EPHA6: variants seen among roughly 807,000 people sequenced by gnomAD.
EPHA6 encodes EPH receptor A6.
In EPHA6, 50 loss-of-function variants were observed where a neutral mutation model predicts 112.0. That is an observed-to-expected ratio of 0.45 (90% CI 0.36 to 0.56). The LOEUF (loss-of-function observed/expected upper bound fraction) is 0.56. Among genes scored for constraint, EPHA6 ranks in the 20% least tolerant of loss-of-function variants. EPHA6 has a pLI of 0.00. For missense variants in EPHA6, 1,280 were observed against 1,417.4 expected (o/e 0.90, Z 1.56); for synonymous variants, 529 against 490.7 (o/e 1.08, Z -1.03).
chr3:97,282,474 T>C (rs187138052), intron 5 of EPHA6, among the ~76,000 whole-genome samples: 1 of 152,288 alleles, frequency 6.6e-6, no homozygotes, highest in East Asian at 1.9e-4. Flanking sequence ...GACCCAGCAA[T>C]CCCGTTACTG....
chr3:97,647,066 A>G (rs750914492), intron 14 of EPHA6, among the ~76,000 whole-genome samples: 8 of 152,078 alleles, frequency 5.3e-5, no homozygotes, highest in Non-Finnish European at 7.4e-5. Flanking sequence ...AAGCTATTCA[A>G]TTTCCTAGGA....
chr3:97,702,598 G>C (rs1416920413), intron 14 of EPHA6, among the ~76,000 whole-genome samples: 3 of 152,096 alleles, frequency 2.0e-5, no homozygotes, highest in Non-Finnish European at 2.9e-5. Context: ...TTATTATAAT[G>C]CCTAATGATG....
chr3:97,331,543 T>TA (rs1437908573), intron 5 of EPHA6, among the ~76,000 whole-genome samples: 2 of 151,988 alleles, frequency 1.3e-5, no homozygotes, highest in East Asian at 1.9e-4. Context: ...ATAGATGCAA[T>TA]AAAAAATGAT....
intron 5 of EPHA6, among the ~76,000 whole-genome samples, chr3:97,368,803 TC>T (rs2084887039): frequency 1.3e-5 from 2 of 152,122 alleles, no homozygotes; most frequent in South Asian, 4.1e-4. Context: ...CCACGCACAG[TC>T]CCAGGTGCTT....
intron 10 of EPHA6, among the ~76,000 whole-genome samples, chr3:97,493,154 ATG>A (rs1391693870): frequency 1.3e-5 from 2 of 151,948 alleles, no homozygotes; most frequent in Admixed American, 6.6e-5. Flanking sequence ...ATGGATCTGT[ATG>A]TGTGTGTGTA....
chr3:97,279,972 G>A (rs543198138), intron 5 of EPHA6, among the ~76,000 whole-genome samples: 1 of 152,182 alleles, frequency 6.6e-6, no homozygotes, highest in East Asian at 1.9e-4. Context: ...TGCAATCTCT[G>A]CCTTCCAGTT....
chr3:97,655,030 A>C (rs927463831), intron 14 of EPHA6, among the ~76,000 whole-genome samples: 1 of 151,066 alleles, frequency 6.6e-6, no homozygotes, highest in East Asian at 1.9e-4. Flanking sequence ...AAGAAAATGA[A>C]GAGTGGTGAA....
chr3:97,506,482 C>A (rs1251405767), intron 10 of EPHA6, among the ~76,000 whole-genome samples: 1 of 152,178 alleles, frequency 6.6e-6, no homozygotes, highest in African/African-American at 2.4e-5. Context: ...TGTCAAAGAA[C>A]AGATGGCTGA....
In EPHA6 at chr3:97,639,330, A is replaced by G. The variant is rs2093981054; in HGVS notation, c.2784+1248A>G. On this transcript the variant is annotated intron_variant, in intron 14 of 17. Transcript: ENST00000389672. ...TTTTAAATTGGAAAATATCATAATTATTTTCATTTTTCTCAAGGCCTTTAT... is the reference window on the plus strand; with the variant it reads ...TTTTAAATTGGAAAATATCATAATTGTTTTCATTTTTCTCAAGGCCTTTAT... 1.3e-5 allele frequency among the ~76,000 whole-genome samples: 2 copies of G among 152,058 alleles called. 1 individual carries two copies. Among genetic ancestry groups the G allele is most frequent in the Non-Finnish European group, 2.9e-5 (2 of 67,902 alleles).
intron 6 of EPHA6, among the ~76,000 whole-genome samples, chr3:97,433,406 A>T (rs1049281018): frequency 6.6e-6 from 1 of 152,176 alleles, no homozygotes; most frequent in Non-Finnish European, 1.5e-5. Context: ...TCTCATTTTA[A>T]TTGCAAAAGA....
intron 3 of EPHA6, among the ~76,000 whole-genome samples, chr3:97,041,310 G>C (rs983637725): frequency 1.3e-5 from 2 of 151,858 alleles, no homozygotes; most frequent in African/African-American, 2.4e-5. Context: ...TATCTTTCCT[G>C]GTTTTGCCAG....
At chr3:97,496,809 ACACAC>A (rs1560070624) in intron 10 of EPHA6, among the ~76,000 whole-genome samples, 1 of 151,438 alleles carries the variant, frequency 6.6e-6, no homozygotes, top group African/African-American at 2.5e-5. Context: ...ATTGATGCAC[ACACAC>A]AAAAAAAAAA....
At position 97,750,946 on chromosome 3, in the gene EPHA6, T is replaced by C. The variant is rs968792153; in HGVS notation, c.*2245T>C. On this transcript the variant is annotated 3_prime_UTR_variant, in exon 18 of 18. Transcript: ENST00000389672. ...GCATGGTTGTGCATCACTCATAGAC[T>C]ATCTGCAGTTTGCTTGATACATTTA... Among the ~76,000 whole-genome samples, 6 of 152,174 alleles carry C rather than the reference T, an allele frequency of 3.9e-5. No homozygotes were observed. The highest frequency in any genetic ancestry group is 1.2e-4 in the African/African-American group (5 of 41,454).
chr3:96,960,570 C>CT (rs1447363009), intron 2 of EPHA6, among the ~76,000 whole-genome samples: 2 of 152,152 alleles, frequency 1.3e-5, no homozygotes, highest in Non-Finnish European at 2.9e-5. Flanking sequence ...ACAAAAAAGA[C>CT]TGAGTTTTCA....
At chr3:97,075,498 T>C (rs2046488257) in intron 3 of EPHA6, among the ~76,000 whole-genome samples, 1 of 152,044 alleles carries the variant, frequency 6.6e-6, no homozygotes, top group South Asian at 2.1e-4. Context: ...GTAACTTAAA[T>C]TTTTCTATTT....
At chr3:96,943,885 A>T (rs2041112943) in intron 2 of EPHA6, among the ~76,000 whole-genome samples, 1 of 152,162 alleles carries the variant, frequency 6.6e-6, no homozygotes, top group Non-Finnish European at 1.5e-5. Flanking sequence ...GAAAGGAATG[A>T]ATTTGAGATG....
chr3:96,833,640 TG>T (rs2034225771), intron 1 of EPHA6, among the ~76,000 whole-genome samples: 1 of 152,030 alleles, frequency 6.6e-6, no homozygotes, highest in African/African-American at 2.4e-5. Flanking sequence ...GAGATCTAGC[TG>T]AAGAAAGTTA....
chr3:97,240,221 C>T (rs910921424), intron 4 of EPHA6, among the ~76,000 whole-genome samples: 1 of 151,780 alleles, frequency 6.6e-6, no homozygotes, highest in Non-Finnish European at 1.5e-5. Context: ...TTCACTGATA[C>T]GTAAAAGCAT....
At chr3:97,238,546 C>T (rs962238218) in intron 4 of EPHA6, among the ~76,000 whole-genome samples, 7 of 151,904 alleles carry the variant, frequency 4.6e-5, no homozygotes, top group African/African-American at 1.7e-4. Context: ...AAGTGTCAAT[C>T]ATCTCTTCTA....
Sources: allele counts gnomAD v4.1 joint callset (sites outside exome capture counted in the v4.1 genomes callset), GRCh38; gene constraint gnomAD v4.1.1; transcripts MANE v1.5; gene names NCBI Gene and HGNC (gene_info 2026-07-23, HGNC 2026-07-21).